SLC25A48: variants seen among roughly 807,000 people sequenced by gnomAD.
The protein encoded by SLC25A48 is solute carrier family 25 member 48, also known as CTC-321K16.1.
SLC25A48 carries 29 observed loss-of-function variants against 32.2 expected under a neutral mutation model. The ratio of observed to expected loss-of-function variants is 0.90; its 90% CI spans 0.67 to 1.23. The LOEUF (loss-of-function observed/expected upper bound fraction) is 1.23. SLC25A48 is among the 50% of genes most tolerant of loss of function. The pLI is 0.00. For synonymous variants in SLC25A48, 164 were observed against 172.3 expected (o/e 0.95, Z 0.38); for missense variants, 399 against 422.7 (o/e 0.94, Z 0.49).
intron 3 of SLC25A48, among the ~76,000 whole-genome samples, chr5:135,665,618 A>G (rs1303637101): frequency 1.3e-5 from 2 of 152,018 alleles, no homozygotes; most frequent in African/African-American, 4.8e-5. Context: ...AAGGTGAGAG[A>G]TAGGGATCGC....
At chr5:135,772,629 AG>A (rs377377709) in intron 3 of SLC25A48, among the ~76,000 whole-genome samples, 8 of 148,412 alleles carry the variant, frequency 5.4e-5, no homozygotes, top group African/African-American at 2.0e-4. Flanking sequence ...TAATAACTGG[AG>A]GGGGGGAGAA....
At chr5:135,884,024 C>T (rs1358612918) in intron 7 of SLC25A48, among the ~76,000 whole-genome samples, 1 of 152,174 alleles carries the variant, frequency 6.6e-6, no homozygotes, top group Admixed American at 6.5e-5. Context: ...TCTTTCTCAG[C>T]ACAGTGCCGT....
At chr5:135,638,913 C>T (rs801574) in intron 3 of SLC25A48, among the ~76,000 whole-genome samples, 42,391 of 152,038 alleles carry the variant, frequency 0.28, 6,431 homozygotes, top group East Asian at 0.62. Flanking sequence ...CAAAAAAACC[C>T]AGCAAGACAA....
intron 3 of SLC25A48, among the ~76,000 whole-genome samples, chr5:135,769,194 A>G (rs1161038056): frequency 7.3e-6 from 1 of 137,464 alleles, no homozygotes; most frequent in Non-Finnish European, 1.5e-5. Flanking sequence ...TTATGGGGGG[A>G]AAGGAAAATA....
At chr5:135,798,009 A>G (rs1757230247) in intron 3 of SLC25A48, among the ~76,000 whole-genome samples, 1 of 151,892 alleles carries the variant, frequency 6.6e-6, no homozygotes, top group Non-Finnish European at 1.5e-5. Context: ...ACCCAATATT[A>G]CAGAGGGTGT....
rs758384952 is a variant in SLC25A48 at position 135,852,773 on chromosome 5, G to A, written c.373G>A (p.Asp125Asn). The change falls in exon 4 of 8, where the codon GAC (aspartate) becomes AAC (asparagine). Residue 125 changes from aspartate (D) to asparagine (N), a missense_variant. By Grantham distance (23) the Asp-to-Asn change is conservative (BLOSUM62 1). Transcript: ENST00000681962. ...VVSVGLGGPV[D>N]LIKIRLQMQT... ...CTCTGTCGGGCTGGGAGGGCCCGTGGACCTCATCAAGATCCGGTTGCAGAT... is the reference window on the plus strand; with the variant it reads ...CTCTGTCGGGCTGGGAGGGCCCGTGAACCTCATCAAGATCCGGTTGCAGAT... 8 of 1,613,666 alleles carry A rather than the reference G, an allele frequency of 5.0e-6. No homozygotes were observed. In the Admixed American group the frequency reaches 1.3e-4, roughly 27 times the overall value.
At chr5:135,632,659 C>G (rs1456305225) in intron 2 of SLC25A48, among the ~76,000 whole-genome samples, 7 of 152,148 alleles carry the variant, frequency 4.6e-5, no homozygotes, top group Non-Finnish European at 7.3e-5. Context: ...AACATTCAAA[C>G]CCATGTTTTG....
chr5:135,865,684 A>G (rs1266966753), intron 4 of SLC25A48, among the ~76,000 whole-genome samples: 1 of 152,166 alleles, frequency 6.6e-6, no homozygotes, highest in Non-Finnish European at 1.5e-5. Flanking sequence ...TCACCGCCAC[A>G]CTAAGGGCAA....
intron 3 of SLC25A48, among the ~76,000 whole-genome samples, chr5:135,663,195 T>C (rs1243848606): frequency 6.6e-6 from 1 of 152,230 alleles, no homozygotes; most frequent in East Asian, 1.9e-4. Flanking sequence ...TGGTTTTCCT[T>C]CTCTGAGTTC....
At chr5:135,683,796 A>T (rs1753955732) in intron 3 of SLC25A48, among the ~76,000 whole-genome samples, 1 of 152,198 alleles carries the variant, frequency 6.6e-6, no homozygotes, top group Non-Finnish European at 1.5e-5. Context: ...GAACAACCCC[A>T]TGGAGCACTC....
intron 3 of SLC25A48, among the ~76,000 whole-genome samples, chr5:135,730,563 A>G (rs925973207): frequency 2.0e-5 from 3 of 152,212 alleles, no homozygotes; most frequent in Non-Finnish European, 4.4e-5. Context: ...ATGAAAACGA[A>G]CTAATACAGA....
At chr5:135,625,795 A>G (rs1361122222) in intron 1 of SLC25A48, among the ~76,000 whole-genome samples, 1 of 152,114 alleles carries the variant, frequency 6.6e-6, no homozygotes, top group Admixed American at 6.5e-5. Context: ...ACTCTCTCCT[A>G]TAGTGCTGGC....
chr5:135,732,002 G>C (rs1362483019), intron 3 of SLC25A48, among the ~76,000 whole-genome samples: 1 of 152,268 alleles, frequency 6.6e-6, no homozygotes, highest in African/African-American at 2.4e-5. Flanking sequence ...AGTTGGGCTG[G>C]TGTCTGGAAT....
At position 135,740,767 on chromosome 5, in the gene SLC25A48, C is replaced by G. The variant is rs148783463; in HGVS notation, c.-520-71756C>G. ...GGACAGATGCTGGGGTGGACTCTGTCAGAAAAGCTGCCCCCCAGCCCTGCT... is the reference window on the plus strand; with the variant it reads ...GGACAGATGCTGGGGTGGACTCTGTGAGAAAAGCTGCCCCCCAGCCCTGCT... On this transcript the variant is annotated intron_variant, in intron 3 of 10. Coordinates refer to the SLC25A48 transcript ENST00000646290. Among the ~76,000 whole-genome samples, 788 of 152,288 alleles carry G rather than the reference C, an allele frequency of 5.2e-3. 4 individuals are homozygous for G. Among genetic ancestry groups the G allele is most frequent in the African/African-American group, 0.018 (756 of 41,564 alleles).
chr5:135,611,196 G>A (rs1053428333), intron 1 of SLC25A48, among the ~76,000 whole-genome samples: 2 of 152,028 alleles, frequency 1.3e-5, no homozygotes, highest in African/African-American at 4.8e-5. Context: ...TAAATGCTAC[G>A]GTGCAAAGAA....
chr5:135,857,811 G>C (rs4640783), intron 4 of SLC25A48, among the ~76,000 whole-genome samples: 2 of 152,144 alleles, frequency 1.3e-5, no homozygotes, highest in African/African-American at 2.4e-5. Flanking sequence ...GGGCCACTCA[G>C]GTCTGCCTTG....
chr5:135,801,372 T>C (rs544478621), intron 3 of SLC25A48, among the ~76,000 whole-genome samples: 167 of 151,256 alleles, frequency 1.1e-3, no homozygotes, highest in Non-Finnish European at 8.9e-5. Flanking sequence ...ACTCTCAATA[T>C]CGTAGGGGGT....
upstream of SLC25A48, among the ~76,000 whole-genome samples, chr5:135,832,732 G>C (rs1758251665): frequency 6.6e-6 from 1 of 152,170 alleles, no homozygotes. Context: ...ATAAGAAATG[G>C]GGAGTGGGCC....
intron 3 of SLC25A48, among the ~76,000 whole-genome samples, chr5:135,774,753 C>T (rs1052907520): frequency 3.3e-5 from 5 of 151,098 alleles, no homozygotes; most frequent in Admixed American, 1.3e-4. Context: ...TACACCCCCC[C>T]CGTGATATTG....
Sources: allele counts gnomAD v4.1 joint callset (sites outside exome capture counted in the v4.1 genomes callset), GRCh38; gene constraint gnomAD v4.1.1; transcripts MANE v1.5; gene names NCBI Gene and HGNC (gene_info 2026-07-23, HGNC 2026-07-21).